HMCN1: variants seen among roughly 807,000 people sequenced by gnomAD.
HMCN1 encodes the protein hemicentin-1.
In HMCN1, 321 loss-of-function variants were observed where a neutral mutation model predicts 625.9. That is an observed-to-expected ratio of 0.51 (90% CI 0.47 to 0.56). HMCN1 has a LOEUF of 0.56. Among genes scored for constraint, HMCN1 ranks in the 20% least tolerant of loss-of-function variants. The pLI is 0.00. For synonymous variants in HMCN1, 2,425 were observed against 2,417.6 expected (o/e 1.00, Z -0.09); for missense variants, 6,588 against 6,887.3 (o/e 0.96, Z 1.54).
intron 1 of HMCN1, among the ~76,000 whole-genome samples, chr1:185,736,057 C>T (rs1313315054): frequency 2.0e-5 from 3 of 152,142 alleles, no homozygotes; most frequent in Non-Finnish European, 4.4e-5. Flanking sequence ...AGTGTGATAT[C>T]GGCAATCTGA....
chr1:185,824,276 T>C (rs1382727122), intron 1 of HMCN1, among the ~76,000 whole-genome samples: 2 of 152,208 alleles, frequency 1.3e-5, no homozygotes, highest in African/African-American at 4.8e-5. Context: ...CTTCAAAGGC[T>C]ATGTGTATAA....
chr1:186,172,120 G>C lies in HMCN1; in HGVS notation c.15803G>C (p.Gly5268Ala). 1 of 1,613,764 alleles carries C rather than the reference G, an allele frequency of 6.2e-7. No individual in the cohort carries two copies. Among genetic ancestry groups the C allele is most frequent in the Non-Finnish European group, 8.5e-7 (1 of 1,179,696 alleles). The change falls in exon 102 of 107, where the codon GGA becomes GCA. Residue 5268 changes from glycine (G) to alanine (A), a missense_variant. Gly to Ala is a moderately conservative substitution (Grantham distance 60, BLOSUM62 0). This residue lies in a region of HMCN1 where 1,954 missense variants were observed against 2,013.1 expected (regional missense o/e 0.97). Coordinates refer to ENST00000271588, the MANE Select transcript of HMCN1 (RefSeq NM_031935.3). The stretch of plus-strand genomic sequence containing the variant: ...AATGGAATGACCAAGGCAGAAAATG[G>C]AACCTGTATTGGTGAGTGTCTGGCT... ...CPNGMTKAEN[G>A]TCIDIDECKD...
At chr1:186,037,856 ATAATTT>A in intron 36 of HMCN1, 72 bp from the exon 37 acceptor site, 1 of 883,956 alleles carries the variant, frequency 1.1e-6, no homozygotes, top group East Asian at 2.6e-5. Flanking sequence ...AAGAAAAATT[ATAATTT>A]TAATTGAGCA....
intron 1 of HMCN1, among the ~76,000 whole-genome samples, chr1:185,769,737 T>C (rs1656108600): frequency 6.6e-6 from 1 of 152,182 alleles, no homozygotes; most frequent in African/African-American, 2.4e-5. Flanking sequence ...TTGTCTGGTC[T>C]TACTGATGCC....
intron 42 of HMCN1, among the ~76,000 whole-genome samples, chr1:186,051,837 TG>T (rs1316094539): frequency 6.6e-6 from 1 of 151,924 alleles, no homozygotes; most frequent in Non-Finnish European, 1.5e-5. Context: ...GTTAAGTCAA[TG>T]GGAATTGACT....
chr1:185,914,748 C>T (rs1305596282), intron 6 of HMCN1, among the ~76,000 whole-genome samples: 1 of 151,674 alleles, frequency 6.6e-6, no homozygotes, highest in Non-Finnish European at 1.5e-5. Flanking sequence ...GTTCTTTTCT[C>T]TCTGGCTTTC....
chr1:185,767,432 G>A (rs192646482), intron 1 of HMCN1, among the ~76,000 whole-genome samples: 2 of 152,250 alleles, frequency 1.3e-5, no homozygotes, highest in Admixed American at 1.3e-4. Context: ...AGTGTTTAAA[G>A]GGAATAAGTA....
intron 55 of HMCN1, among the ~76,000 whole-genome samples, chr1:186,079,679 G>A (rs1230757430): frequency 2.0e-5 from 3 of 152,180 alleles, no homozygotes; most frequent in African/African-American, 7.2e-5. Context: ...GATAATATAG[G>A]TAGGGAAAGA....
At chr1:186,099,538 T>C (rs1199649724) in intron 68 of HMCN1, among the ~76,000 whole-genome samples, 1 of 152,110 alleles carries the variant, frequency 6.6e-6, no homozygotes, top group Admixed American at 6.6e-5. Flanking sequence ...TGCAAATGCA[T>C]CACTAAGAAA....
intron 63 of HMCN1, among the ~76,000 whole-genome samples, chr1:186,090,004 C>A (rs552880778): frequency 6.6e-6 from 1 of 151,912 alleles, no homozygotes; most frequent in South Asian, 2.1e-4. Context: ...CTAATATATA[C>A]AAGATTTCAA....
intron 15 of HMCN1, among the ~76,000 whole-genome samples, chr1:185,973,703 G>T (rs1650994768): frequency 6.6e-6 from 1 of 151,904 alleles, no homozygotes; most frequent in South Asian, 2.1e-4. Context: ...GACATTTCAG[G>T]TCAACAGGGA....
intron 102 of HMCN1, 51 bp from the exon 103 acceptor site, chr1:186,174,463 C>G (rs767790254): frequency 1.2e-6 from 2 of 1,607,098 alleles, no homozygotes; most frequent in African/African-American, 1.3e-5. Context: ...AATACAATGA[C>G]TTTGGGTTTG....
At chr1:186,163,786 CAATATTGT>C (rs1558273181) in intron 97 of HMCN1, among the ~76,000 whole-genome samples, 1 of 152,148 alleles carries the variant, frequency 6.6e-6, no homozygotes. Flanking sequence ...TCATACATGG[CAATATTGT>C]AAAACCTGCC....
chr1:186,018,764 G>C (rs531850529), intron 34 of HMCN1, among the ~76,000 whole-genome samples: 2 of 152,138 alleles, frequency 1.3e-5, no homozygotes, highest in East Asian at 3.9e-4. Flanking sequence ...GGTGAATACA[G>C]TAGTTTCCAG....
rs897355688 is a variant in HMCN1, at chr1:185,986,845, T to A, written c.2936-587T>A. On this transcript the variant is annotated intron_variant, in intron 19 of 106. Transcript: ENST00000271588. ...CTGTCTCAAAAAAAAAAAAAAAAAA[T>A]TAATTAATTAATTAAATAAATTAAA... 8.9e-5 allele frequency among the ~76,000 whole-genome samples: 13 copies of A among 146,196 alleles called. No homozygotes were observed. The South Asian group carries it at 1.1e-3, about 12-fold the overall frequency.
chr1:185,969,258 C>T (rs140778240), intron 14 of HMCN1, among the ~76,000 whole-genome samples: 1 of 152,226 alleles, frequency 6.6e-6, no homozygotes, highest in Non-Finnish European at 1.5e-5. Flanking sequence ...CTCATTTTCA[C>T]GTGGTATGTA....
At chr1:186,116,327 T>G (rs1661131597) in intron 75 of HMCN1, among the ~76,000 whole-genome samples, 1 of 152,158 alleles carries the variant, frequency 6.6e-6, no homozygotes, top group Admixed American at 6.5e-5. Flanking sequence ...CTTTAAATCA[T>G]GTATGTGTAT....
chr1:185,970,276 G>A, intron 14 of HMCN1, 59 bp from the exon 15 acceptor site: 1 of 1,477,648 alleles, frequency 6.8e-7, no homozygotes, highest in East Asian at 2.3e-5. Flanking sequence ...TAAACCAATA[G>A]CTGCATAAAC....
chr1:186,090,709 A>G (rs1659793400), intron 63 of HMCN1, 49 bp from the exon 64 acceptor site: 1 of 1,598,436 alleles, frequency 6.3e-7, no homozygotes, highest in Non-Finnish European at 8.6e-7. Context: ...TTACATTAGA[A>G]TTTATATCCT....
Sources: gnomAD v4.1 joint callset for allele counts (sites outside exome capture counted in the v4.1 genomes callset) on GRCh38, gnomAD v4.1.1 for gene constraint, gnomAD v4.1.1 regional missense constraint, MANE v1.5 for transcripts, NCBI Gene and HGNC (gene_info 2026-07-23, HGNC 2026-07-21) for gene names.